Variants in ITPR2 observed in about 807,000 individuals in gnomAD.
The protein encoded by ITPR2 is inositol 1,4,5-trisphosphate-gated calcium channel ITPR2.
ITPR2 carries 207 observed loss-of-function variants against 317.1 expected under a neutral mutation model. The observed-to-expected ratio is 0.65, with a 90% CI of 0.58 to 0.73. The LOEUF (loss-of-function observed/expected upper bound fraction) is 0.73, where lower values mean the gene tolerates loss of function less well. Among genes scored for constraint, ITPR2 ranks in the 30% least tolerant of loss-of-function variants. The pLI is 0.00. For missense variants in ITPR2, 2,613 were observed against 3,284.0 expected (o/e 0.80, Z 4.99); for synonymous variants, 1,156 against 1,149.1 (o/e 1.01, Z -0.12).
intron 20 of ITPR2, 142 bp from the exon 21 acceptor site, chr12:26,654,268 T>TA: frequency 3.1e-6 from 2 of 635,046 alleles, no homozygotes; most frequent in Non-Finnish European, 5.1e-6. Context: ...ACCTAGGAAT[T>TA]AAAATACTTG....
In ITPR2 at chr12:26,495,160, T is replaced by A. The variant is rs964733099; in HGVS notation, c.5174A>T (p.Gln1725Leu). 2 of 1,556,554 alleles carry A rather than the reference T, an allele frequency of 1.3e-6. No individual in the cohort carries two copies. Among genetic ancestry groups the A allele is most frequent in the Non-Finnish European group, 1.8e-6 (2 of 1,127,200 alleles). Residue 1725 changes from glutamine to leucine, a missense_variant, in exon 38 of 57, where the codon CAG becomes CTG. By Grantham distance (113) the Gln-to-Leu change is moderately radical. This residue lies in a region of ITPR2 where 926 missense variants were observed against 1,072.8 expected (regional missense o/e 0.86). Transcript: ENST00000381340. The part of the protein sequence containing the change: ...HLSGAYSKTA[Q>L]VGGSFSGQDS... ...CAAATGACAGGACTTACCTCCCACC[T>A]GTGCAGTTTTGGAGTAGGCTCCTGA...
chr12:26,613,291 T>C (rs1032575494), intron 26 of ITPR2, among the ~76,000 whole-genome samples: 1 of 152,164 alleles, frequency 6.6e-6, no homozygotes, highest in Non-Finnish European at 1.5e-5. Context: ...ACAGGTATTA[T>C]TGAGACAAAT....
intron 13 of ITPR2, among the ~76,000 whole-genome samples, chr12:26,666,927 G>A (rs1021221363): frequency 6.6e-6 from 1 of 152,114 alleles, no homozygotes. Context: ...TGCAAAAATG[G>A]GTAAACAGAT....
Position 26,831,692 on chromosome 12 carries a change from A to ATG in ITPR2, c.92+997_92+998insCA, listed in dbSNP as rs199619975. Reference sequence around the variant, plus strand: ...GTTTTATATATAAATATATATATATATTCTACATAAAATATATAAATATAT... The same window carrying ATG: ...GTTTTATATATAAATATATATATATATGTTCTACATAAAATATATAAATATAT... On this transcript the variant is annotated intron_variant, in intron 1 of 56. Coordinates refer to ENST00000381340, the MANE Select transcript of ITPR2 (RefSeq NM_002223.4). This position sits in a 1 kb window ranked among gnomAD's most constrained non-coding sequence, Gnocchi z 4.9. Among the ~76,000 whole-genome samples the ATG allele has an allele frequency of 2.1e-4, 25 of 119,238 alleles. No individual in the cohort carries two copies. In the East Asian group the frequency reaches 6.0e-3, roughly 28 times the overall value. 78.2% of individuals were successfully genotyped at this position (119,238 alleles called of 152,430 possible). A position where few individuals can be genotyped will look rare whatever the true frequency, so the allele number is the denominator to read the frequency against.
intron 22 of ITPR2, among the ~76,000 whole-genome samples, chr12:26,629,228 G>A (rs184722634): frequency 6.6e-5 from 10 of 152,116 alleles, no homozygotes; most frequent in Admixed American, 4.6e-4. Context: ...TCTTGCCTCC[G>A]CACAGGTGCT....
chr12:26,681,629 A>T (rs1231899913), intron 13 of ITPR2, among the ~76,000 whole-genome samples: 1 of 152,218 alleles, frequency 6.6e-6, no homozygotes, highest in African/African-American at 2.4e-5. Flanking sequence ...ATGACCAGAA[A>T]GTAACTTAAA....
At chr12:26,650,669 G>A (rs2136888191) in intron 21 of ITPR2, among the ~76,000 whole-genome samples, 1 of 152,304 alleles carries the variant, frequency 6.6e-6, no homozygotes, top group Non-Finnish European at 1.5e-5. Flanking sequence ...TGTAAGCAGT[G>A]AGATCAAAAG....
chr12:26,593,447 G>T (rs1385341191), intron 32 of ITPR2, among the ~76,000 whole-genome samples: 1 of 152,074 alleles, frequency 6.6e-6, no homozygotes, highest in Non-Finnish European at 1.5e-5. Context: ...CTTTCTTCAT[G>T]GGGAGAGAAA....
intron 37 of ITPR2, among the ~76,000 whole-genome samples, chr12:26,527,274 A>C (rs1337296559): frequency 1.3e-5 from 2 of 152,196 alleles, no homozygotes; most frequent in African/African-American, 2.4e-5. Context: ...TCTTGTGTCC[A>C]GACAACTTAT....
At chr12:26,759,944 G>A (rs1949599775) in intron 2 of ITPR2, among the ~76,000 whole-genome samples, 1 of 152,168 alleles carries the variant, frequency 6.6e-6, no homozygotes, top group African/African-American at 2.4e-5. Context: ...GTCATCCCTA[G>A]GTATCTGCTG....
chr12:26,739,332 T>C (rs1315598987), intron 2 of ITPR2, among the ~76,000 whole-genome samples: 1 of 152,202 alleles, frequency 6.6e-6, no homozygotes, highest in Non-Finnish European at 1.5e-5. Flanking sequence ...AGAACATATG[T>C]CCACACAAAG....
chr12:26,802,612 T>TAG (rs1950578267), intron 1 of ITPR2, among the ~76,000 whole-genome samples: 1 of 21,928 alleles, frequency 4.6e-5, no homozygotes, highest in African/African-American at 1.6e-4. Flanking sequence ...GATATAGATA[T>TAG]ATATAGATAT....
At chr12:26,397,513 A>G (rs1252348677) in intron 54 of ITPR2, among the ~76,000 whole-genome samples, 2 of 152,000 alleles carry the variant, frequency 1.3e-5, no homozygotes, top group Admixed American at 6.6e-5. Context: ...CATTTCCTTC[A>G]ATGCATGAGA....
At chr12:26,826,608 T>C (rs1010637661) in intron 1 of ITPR2, among the ~76,000 whole-genome samples, 6 of 152,174 alleles carry the variant, frequency 3.9e-5, no homozygotes, top group African/African-American at 9.7e-5. Context: ...TGATGATGCT[T>C]ATGATGCTTT....
chr12:26,536,853 G>A (rs1944107887), intron 37 of ITPR2, among the ~76,000 whole-genome samples: 2 of 152,190 alleles, frequency 1.3e-5, no homozygotes, highest in Admixed American at 6.5e-5. Context: ...TGATGTGGTC[G>A]TGATATAGTT....
rs936465228 is a variant in ITPR2, at chr12:26,624,096, C to T, written c.3122+203G>A. ...AATACACTGATCTCATCTCTCTTGT[C>T]CTTTTTTTTACCTGACCTAAAGAAA... On this transcript the variant is annotated intron_variant, in intron 24 of 56. Transcript: ENST00000381340. 5.3e-5 allele frequency among the ~76,000 whole-genome samples: 8 copies of T among 152,036 alleles called. No individual in the cohort carries two copies. The East Asian group carries it at 1.2e-3, about 22-fold the overall frequency.
chr12:26,496,206 C>CTG (rs1462341706), intron 37 of ITPR2, among the ~76,000 whole-genome samples: 1 of 152,144 alleles, frequency 6.6e-6, no homozygotes. Context: ...GGTAAGGAAA[C>CTG]TGTGGCCCAA....
chr12:26,402,283 T>C (rs781438874), intron 52 of ITPR2, among the ~76,000 whole-genome samples: 2 of 152,192 alleles, frequency 1.3e-5, no homozygotes, highest in Admixed American at 6.5e-5. Flanking sequence ...ATGTGGAGCA[T>C]GTCTACATGC....
intron 21 of ITPR2, among the ~76,000 whole-genome samples, chr12:26,639,432 TATAG>T (rs1946932566): frequency 6.6e-6 from 1 of 152,316 alleles, no homozygotes; most frequent in South Asian, 2.1e-4. Flanking sequence ...TCATATATTA[TATAG>T]ATAATTTATA....
Sources: allele counts gnomAD v4.1 joint callset (sites outside exome capture counted in the v4.1 genomes callset), GRCh38; gene constraint gnomAD v4.1.1; regional missense constraint gnomAD v4.1.1; non-coding constraint Gnocchi (gnomAD v3.1); transcripts MANE v1.5; gene names NCBI Gene and HGNC (gene_info 2026-07-23, HGNC 2026-07-21).